The following ERC2 variants were observed in gnomAD, a reference collection of about 807,000 sequenced individuals.
ERC2 encodes ERC protein 2.
ERC2 carries 42 observed loss-of-function variants against 114.8 expected under a neutral mutation model. That is an observed-to-expected ratio of 0.37 (90% CI 0.29 to 0.47). The LOEUF is 0.47. Ranked by LOEUF, ERC2 falls within the 20% of genes least tolerant of loss-of-function variation. The probability of loss-of-function intolerance (pLI) is 0.99; values close to 1 mark genes in which losing one functional copy is unlikely to be tolerated. For synonymous variants in ERC2, 454 were observed against 425.5 expected (o/e 1.07, Z -0.82); for missense variants, 939 against 1,150.7 (o/e 0.82, Z 2.66).
At chr3:55,723,186 T>C (rs1267664794) in intron 15 of ERC2, among the ~76,000 whole-genome samples, 1 of 152,194 alleles carries the variant, frequency 6.6e-6, no homozygotes, top group Admixed American at 6.5e-5. Flanking sequence ...TATTAAATGT[T>C]TAAAAGGCTA....
At chr3:55,661,341 T>G (rs1334276221) in intron 17 of ERC2, among the ~76,000 whole-genome samples, 2 of 152,214 alleles carry the variant, frequency 1.3e-5, no homozygotes, top group Admixed American at 1.3e-4. Flanking sequence ...CGTCTGGTTG[T>G]GGGACTTTCC....
chr3:56,208,319 A>G (rs1346841112), intron 3 of ERC2, among the ~76,000 whole-genome samples: 2 of 151,476 alleles, frequency 1.3e-5, no homozygotes, highest in East Asian at 1.9e-4. Flanking sequence ...ACATTCATAG[A>G]GGGATTTTGA....
intron 10 of ERC2, chr3:56,003,127 T>A: frequency 7.8e-7 from 1 of 1,288,968 alleles, no homozygotes; most frequent in Admixed American, 2.3e-5. Flanking sequence ...GAACAACTGC[T>A]CAGCTTGCTA....
chr3:55,818,388 A>G (rs185782476), intron 14 of ERC2, among the ~76,000 whole-genome samples: 144 of 152,310 alleles, frequency 9.5e-4, no homozygotes, highest in African/African-American at 3.4e-3. Flanking sequence ...TAACTTTTAT[A>G]CCTCGATGAA....
At chr3:56,046,309 TTAGGAGA>T in intron 7 of ERC2, among the ~76,000 whole-genome samples, 1 of 152,274 alleles carries the variant, frequency 6.6e-6, no homozygotes, top group East Asian at 1.9e-4. Context: ...TCACTGCCAT[TTAGGAGA>T]TACCCACAGG....
chr3:55,774,515 T>C (rs536697892), intron 14 of ERC2, among the ~76,000 whole-genome samples: 3 of 152,338 alleles, frequency 2.0e-5, no homozygotes, highest in African/African-American at 7.2e-5. Flanking sequence ...TGGGTCCTGC[T>C]CTCTAGGTGT....
At chr3:55,981,030 T>G (rs1437369401) in intron 12 of ERC2, among the ~76,000 whole-genome samples, 3 of 152,202 alleles carry the variant, frequency 2.0e-5, no homozygotes, top group Non-Finnish European at 4.4e-5. Flanking sequence ...GTTCTATAAA[T>G]CGGAGCTGGC....
At chr3:56,205,212 A>T (rs1192189504) in intron 3 of ERC2, among the ~76,000 whole-genome samples, 1 of 152,018 alleles carries the variant, frequency 6.6e-6, no homozygotes, top group African/African-American at 2.4e-5. Context: ...GTTTCATCTG[A>T]TTTTCTTTTT....
At chr3:55,565,889 G>A (rs1461076965) in intron 17 of ERC2, among the ~76,000 whole-genome samples, 1 of 152,232 alleles carries the variant, frequency 6.6e-6, no homozygotes, top group Non-Finnish European at 1.5e-5. Flanking sequence ...ACTGAAAGCA[G>A]GGCGAGTCAA....
At chr3:55,552,813 C>T (rs2055310407) in intron 17 of ERC2, among the ~76,000 whole-genome samples, 1 of 151,798 alleles carries the variant, frequency 6.6e-6, no homozygotes, top group South Asian at 2.1e-4. Flanking sequence ...CTAATAATCT[C>T]TTCCTTAAAA....
At chr3:56,423,508 T>C (rs567041838) in intron 2 of ERC2, among the ~76,000 whole-genome samples, 195 of 152,338 alleles carry the variant, frequency 1.3e-3, no homozygotes, top group African/African-American at 4.5e-3. Context: ...CTGCCCACAG[T>C]TGAGAACTAC....
intron 2 of ERC2, among the ~76,000 whole-genome samples, chr3:56,309,154 G>A (rs1224061219): frequency 6.6e-6 from 1 of 152,208 alleles, no homozygotes; most frequent in Non-Finnish European, 1.5e-5. Context: ...TAGACATATG[G>A]TCTAGCCTCT....
At chr3:55,656,098 C>CTTTATTTATTTA (rs144217897) in intron 17 of ERC2, among the ~76,000 whole-genome samples, 28,288 of 150,076 alleles carry the variant, frequency 0.19, 2,723 homozygotes, top group East Asian at 0.28. Flanking sequence ...ATGGAATGCA[C>CTTTATTTATTTA]TTTATTTATT....
chr3:55,771,379 G>A (rs982455349), intron 14 of ERC2, among the ~76,000 whole-genome samples: 2 of 152,210 alleles, frequency 1.3e-5, no homozygotes, highest in African/African-American at 4.8e-5. Flanking sequence ...CTAGGTACTA[G>A]GTACCTTATG....
chr3:55,997,880 G>GGTT (rs1302588153), intron 10 of ERC2, among the ~76,000 whole-genome samples: 8 of 44,790 alleles, frequency 1.8e-4, no homozygotes, highest in Admixed American at 3.3e-4. Flanking sequence ...TCTTAATTCT[G>GGTT]TTTTTTTTTT....
At chr3:55,637,801 TAAAG>T (rs2060019484) in intron 17 of ERC2, among the ~76,000 whole-genome samples, 1 of 152,144 alleles carries the variant, frequency 6.6e-6, no homozygotes, top group Non-Finnish European at 1.5e-5. Flanking sequence ...AATTTGTTAA[TAAAG>T]AAAAATAATG....
intron 3 of ERC2, among the ~76,000 whole-genome samples, chr3:56,184,922 C>A (rs1004594593): frequency 6.6e-6 from 1 of 152,156 alleles, no homozygotes; most frequent in South Asian, 2.1e-4. Flanking sequence ...CAGCTTTGCA[C>A]TACTCTGTTG....
intron 6 of ERC2, among the ~76,000 whole-genome samples, chr3:56,089,542 A>G (rs770969073): frequency 1.2e-4 from 18 of 152,268 alleles, no homozygotes; most frequent in Admixed American, 5.9e-4. Flanking sequence ...AATATGAAAA[A>G]TATTGAGATA....
At chr3:56,249,855 CT>C (rs34668162) in intron 3 of ERC2, among the ~76,000 whole-genome samples, 7 of 112,802 alleles carry the variant, frequency 6.2e-5, no homozygotes, top group Admixed American at 2.3e-4. Context: ...CATCAAATTT[CT>C]TTTTTTTTTT....
Sources: allele counts gnomAD v4.1 joint callset (sites outside exome capture counted in the v4.1 genomes callset), GRCh38; gene constraint gnomAD v4.1.1; transcripts MANE v1.5; gene names NCBI Gene and HGNC (gene_info 2026-07-23, HGNC 2026-07-21).